Variants in GRM7 observed in about 807,000 individuals in gnomAD.
GRM7 encodes the protein glutamate metabotropic receptor 7, also known as metabotropic glutamate receptor 7.
In GRM7, 35 loss-of-function variants were observed where a neutral mutation model predicts 84.5. The ratio of observed to expected loss-of-function variants is 0.41; its 90% confidence interval spans 0.32 to 0.55. GRM7 has a LOEUF of 0.55. Ranked by LOEUF, GRM7 falls within the 20% of genes least tolerant of loss-of-function variation. The probability of loss-of-function intolerance (pLI) is 0.19; values close to 1 mark genes in which losing one functional copy is unlikely to be tolerated. For missense variants in GRM7, 1,003 were observed against 1,194.6 expected, an observed-to-expected ratio of 0.84 and a Z score of 2.36; for synonymous variants, 487 against 455.1, an observed-to-expected ratio of 1.07 and a Z score of -0.89.
intron 2 of GRM7, among the ~76,000 whole-genome samples, chr3:7,229,670 G>T (rs1697096577): frequency 7.2e-6 from 1 of 138,858 alleles, no homozygotes; most frequent in Non-Finnish European, 1.5e-5. Flanking sequence ...TGGTAGGAGA[G>T]ACAGAAAACA....
intron 1 of GRM7, among the ~76,000 whole-genome samples, chr3:6,924,539 T>C (rs1340017495): frequency 6.6e-6 from 1 of 152,156 alleles, no homozygotes; most frequent in African/African-American, 2.4e-5. Context: ...GGTTCCTATA[T>C]GCAGTGAAGA....
chr3:7,610,275 G>C (rs1016837679), intron 8 of GRM7, among the ~76,000 whole-genome samples: 3 of 152,134 alleles, frequency 2.0e-5, no homozygotes, highest in Non-Finnish European at 4.4e-5. Flanking sequence ...ATTGTCTGCT[G>C]AGTAAAGAAT....
rs1388769410 is a variant in GRM7, at chr3:7,151,139, T to G, written c.736+4471T>G. 7.3e-6 allele frequency among the ~76,000 whole-genome samples: 1 copy of G among 137,760 alleles called. No individual in the cohort carries two copies. The highest frequency in any genetic ancestry group is 3.0e-5 in the African/African-American group (1 of 33,520). The allele number at this position is 137,760 out of a possible 152,430, so 90.4% of individuals were successfully genotyped here. On this transcript the variant is annotated intron_variant, in intron 2 of 9. Transcript: ENST00000357716. This position sits in a 1 kb window ranked among gnomAD's most constrained non-coding sequence, Gnocchi z 4.5. ...CTAGAATTTATTTTTAATTAATACT[T>G]TATCATAGCCTAGCATATTTTTTTC...
At chr3:7,573,269 C>CT (rs1222754616) in intron 7 of GRM7, among the ~76,000 whole-genome samples, 7 of 151,506 alleles carry the variant, frequency 4.6e-5, no homozygotes, top group South Asian at 4.2e-4. Context: ...AAAAAAAGTT[C>CT]TTTTTTTTAA....
intron 1 of GRM7, among the ~76,000 whole-genome samples, chr3:6,999,006 G>A (rs1188737624): frequency 6.6e-6 from 1 of 152,126 alleles, no homozygotes; most frequent in Non-Finnish European, 1.5e-5. Context: ...GCAAATTTCT[G>A]GAGCAGGCTT....
At chr3:7,143,065 A>C (rs543884914) in intron 1 of GRM7, among the ~76,000 whole-genome samples, 6 of 152,312 alleles carry the variant, frequency 3.9e-5, no homozygotes, top group African/African-American at 1.2e-4. Context: ...CAAAAGATCA[A>C]GTCTCCATTT....
chr3:7,567,564 A>G (rs1204634274), intron 7 of GRM7, among the ~76,000 whole-genome samples: 1 of 151,856 alleles, frequency 6.6e-6, no homozygotes, highest in African/African-American at 2.4e-5. Context: ...CCTGGCCAAC[A>G]TGGTGAAACC....
At chr3:7,181,887 A>G (rs1332945910) in intron 2 of GRM7, among the ~76,000 whole-genome samples, 1 of 152,192 alleles carries the variant, frequency 6.6e-6, no homozygotes, top group Admixed American at 6.5e-5. Context: ...CTGGGATTAC[A>G]GGTGTGAGCC....
At chr3:7,417,235 G>T (rs184420732) in intron 5 of GRM7, among the ~76,000 whole-genome samples, 1 of 151,954 alleles carries the variant, frequency 6.6e-6, no homozygotes, top group Non-Finnish European at 1.5e-5. Flanking sequence ...CAAAATATTC[G>T]TATATTCTCA....
chr3:7,534,177 C>G (rs1016908206), intron 7 of GRM7, among the ~76,000 whole-genome samples: 5 of 152,066 alleles, frequency 3.3e-5, no homozygotes, highest in Non-Finnish European at 7.4e-5. Flanking sequence ...CCACGCCTGG[C>G]TAATTTTTGT....
At chr3:7,524,224 A>G (rs907878397) in intron 7 of GRM7, among the ~76,000 whole-genome samples, 3 of 150,894 alleles carry the variant, frequency 2.0e-5, no homozygotes, top group African/African-American at 4.9e-5. Flanking sequence ...CATGTCTAAA[A>G]CACCAAAAGC....
intron 4 of GRM7, among the ~76,000 whole-genome samples, chr3:7,307,910 G>A (rs910607704): frequency 1.3e-5 from 2 of 151,678 alleles, no homozygotes; most frequent in Admixed American, 6.6e-5. Context: ...AGAACAGGCA[G>A]AGACTACATG....
chr3:7,572,842 AT>A (rs1694752264), intron 7 of GRM7, among the ~76,000 whole-genome samples: 1 of 16,992 alleles, frequency 5.9e-5, no homozygotes, highest in African/African-American at 1.9e-4. Flanking sequence ...ATATATATAT[AT>A]ATATATATAT....
chr3:7,318,827 A>G (rs571828607), intron 4 of GRM7, among the ~76,000 whole-genome samples: 32 of 152,186 alleles, frequency 2.1e-4, no homozygotes, highest in African/African-American at 7.2e-4. Flanking sequence ...TTACTGTACT[A>G]TTTGTAATTT....
intron 9 of GRM7, among the ~76,000 whole-genome samples, chr3:7,688,585 G>A (rs550271986): frequency 6.6e-6 from 1 of 152,216 alleles, no homozygotes; most frequent in South Asian, 2.1e-4. Flanking sequence ...CAAGGAACAC[G>A]TGATTTACTT....
chr3:6,931,209 T>G (rs945128822), intron 1 of GRM7, among the ~76,000 whole-genome samples: 1 of 152,112 alleles, frequency 6.6e-6, no homozygotes, highest in Non-Finnish European at 1.5e-5. Context: ...TTTTGAATGA[T>G]TAGTGGTGGC....
At chr3:6,927,076 G>T (rs1697324335) in intron 1 of GRM7, among the ~76,000 whole-genome samples, 2 of 152,118 alleles carry the variant, frequency 1.3e-5, no homozygotes, top group Non-Finnish European at 1.5e-5. Context: ...ACATAGAATT[G>T]TTCAAACTTC....
chr3:7,645,274 C>A (rs543437029), intron 8 of GRM7, among the ~76,000 whole-genome samples: 1 of 152,064 alleles, frequency 6.6e-6, no homozygotes, highest in Admixed American at 6.6e-5. Context: ...GTTGGCTGGG[C>A]ACAGTGGCTC....
chr3:6,975,041 G>A (rs1397779369), intron 1 of GRM7, among the ~76,000 whole-genome samples: 1 of 152,154 alleles, frequency 6.6e-6, no homozygotes, highest in Admixed American at 6.5e-5. Flanking sequence ...AACAAGCAAA[G>A]GGTGTGGGAT....
Sources: gnomAD v4.1 joint callset for allele counts (sites outside exome capture counted in the v4.1 genomes callset) on GRCh38, gnomAD v4.1.1 for gene constraint, Gnocchi (gnomAD v3.1) non-coding constraint, MANE v1.5 for transcripts, NCBI Gene and HGNC (gene_info 2026-07-23, HGNC 2026-07-21) for gene names.